Variants in SH3RF1 observed in about 807,000 individuals in gnomAD.
SH3RF1 encodes the protein E3 ubiquitin-protein ligase SH3RF1.
In SH3RF1, 32 loss-of-function variants were observed where a neutral mutation model predicts 74.0. That is an observed-to-expected ratio of 0.43 (90% confidence interval 0.33 to 0.58). The LOEUF (loss-of-function observed/expected upper bound fraction) is 0.58. Ranked by LOEUF, SH3RF1 falls within the 20% of genes least tolerant of loss-of-function variation. The probability of loss-of-function intolerance (pLI) is 0.05; values close to 1 mark genes in which losing one functional copy is unlikely to be tolerated. For missense variants in SH3RF1, 954 were observed against 1,130.9 expected (o/e 0.84, Z 2.24); for synonymous variants, 396 against 439.6 (o/e 0.90, Z 1.24).
rs539112956 is a variant in SH3RF1 at position 169,155,393 on chromosome 4, G to A, written c.765+87C>T. The A allele has an allele frequency of 6.8e-4, 677 of 989,250 alleles. 10 individuals are homozygous for A. In the South Asian group the frequency reaches 9.2e-3, roughly 14 times the overall value. 61.3% of individuals were successfully genotyped at this position (989,250 alleles called of 1,614,324 possible). A position where few individuals can be genotyped will look rare whatever the true frequency, so the allele number is the denominator to read the frequency against. ...GCATTCCTGGTGCTTTTTGTTGTGA[G>A]GACTTCTTAATACTCAAATTGCATA... On this transcript the variant is annotated intron_variant, in intron 4 of 11. Transcript: ENST00000284637.
intron 2 of SH3RF1, among the ~76,000 whole-genome samples, chr4:169,221,388 T>C (rs562366165): frequency 6.6e-6 from 1 of 152,334 alleles, no homozygotes; most frequent in South Asian, 2.1e-4. Context: ...GACATGGGGT[T>C]GGAAGTACTT....
At chr4:169,218,274 AAATATAT>A (rs1371328090) in intron 2 of SH3RF1, among the ~76,000 whole-genome samples, 1,915 of 138,048 alleles carry the variant, frequency 0.014, 36 homozygotes, top group African/African-American at 0.044. Context: ...TATAGAATAT[AAATATAT>A]AATATATAAT....
intron 2 of SH3RF1, among the ~76,000 whole-genome samples, chr4:169,206,658 C>A (rs1200284365): frequency 3.9e-5 from 6 of 152,192 alleles, no homozygotes; most frequent in Non-Finnish European, 7.3e-5. Context: ...CAGAGAATCC[C>A]TGCCCCAAGC....
At chr4:169,192,858 GATGTGATATATATATCATATAT>G (rs1313376726) in intron 2 of SH3RF1, among the ~76,000 whole-genome samples, 50 of 145,648 alleles carry the variant, frequency 3.4e-4, no homozygotes, top group Middle Eastern at 7.4e-3. Context: ...ATATCATATA[GATGTGATATATATATCATATAT>G]ATGTGATATG....
intron 2 of SH3RF1, among the ~76,000 whole-genome samples, chr4:169,238,455 A>G (rs1440349239): frequency 6.6e-6 from 1 of 152,212 alleles, no homozygotes; most frequent in Non-Finnish European, 1.5e-5. Context: ...AATCTACAGG[A>G]TGCTCTGTTC....
chr4:169,146,562 G>A (rs771352149), intron 4 of SH3RF1, among the ~76,000 whole-genome samples: 1 of 152,108 alleles, frequency 6.6e-6, no homozygotes, highest in Non-Finnish European at 1.5e-5. Context: ...AGTGGTAGAT[G>A]TTATTGAGAG....
At chr4:169,117,387 G>A (rs1412882014) in intron 9 of SH3RF1, 136 bp downstream of exon 9, 1 of 1,255,274 alleles carries the variant, frequency 8.0e-7, no homozygotes, top group Non-Finnish European at 1.1e-6. Context: ...GATACAAGGT[G>A]CCACTGAGTA....
At chr4:169,219,947 A>G (rs1730536118) in intron 2 of SH3RF1, 1 of 152,186 alleles carries the variant, frequency 6.6e-6, no homozygotes, top group East Asian at 1.9e-4. Context: ...GTTATTAGCA[A>G]TCAACTTCCA....
At position 169,209,695 on chromosome 4, in the gene SH3RF1, A is replaced by T. The variant is rs909366037; in HGVS notation, c.394-53016T>A. Among the ~76,000 whole-genome samples the T allele has an allele frequency of 5.3e-5, 8 of 152,350 alleles. No homozygotes were observed. In the East Asian group the frequency reaches 1.5e-3, roughly 29 times the overall value. On this transcript the variant is annotated intron_variant, in intron 2 of 11. Coordinates refer to ENST00000284637, the MANE Select transcript of SH3RF1 (RefSeq NM_020870.4). ...ATATACTCAAGTTTGCTTATCTGTA[A>T]AATGAAGATAAGAAGATAGATAACA...
chr4:169,124,065 A>G (rs1733485813), intron 6 of SH3RF1, among the ~76,000 whole-genome samples: 1 of 152,192 alleles, frequency 6.6e-6, no homozygotes. Flanking sequence ...CAGTTCATGG[A>G]TAATAATGCA....
chr4:169,179,901 A>G (rs1242032244), intron 2 of SH3RF1, among the ~76,000 whole-genome samples: 1 of 152,222 alleles, frequency 6.6e-6, no homozygotes, highest in Admixed American at 6.5e-5. Context: ...TCATACCAGA[A>G]GCCTTGGTAA....
intron 2 of SH3RF1, among the ~76,000 whole-genome samples, chr4:169,199,895 T>A (rs146704235): frequency 1.1e-4 from 16 of 152,260 alleles, no homozygotes; most frequent in African/African-American, 3.8e-4. Context: ...TATAATGTAT[T>A]TTAAAACAAT....
At chr4:169,177,190 G>A (rs1338381817) in intron 2 of SH3RF1, among the ~76,000 whole-genome samples, 2 of 152,138 alleles carry the variant, frequency 1.3e-5, no homozygotes, top group Admixed American at 6.5e-5. Flanking sequence ...AATAAGGGAT[G>A]GTATGGCATC....
At chr4:169,235,595 C>T (rs62334170) in intron 2 of SH3RF1, among the ~76,000 whole-genome samples, 26,286 of 152,194 alleles carry the variant, frequency 0.17, 2,758 homozygotes, top group Non-Finnish European at 0.24. Context: ...CACATTCTTC[C>T]GTGTTATGCT....
chr4:169,102,541 A>C lies in SH3RF1; in HGVS notation c.2498+4306T>G, dbSNP rs1057067559. The stretch of plus-strand genomic sequence containing the variant: ...ATATATATTTTTTTTCTTTGGAAGA[A>C]AAACCTGTCATATACTTTCTTTTAT... On this transcript the variant is annotated intron_variant, in intron 11 of 11. Coordinates refer to ENST00000284637, the MANE Select transcript of SH3RF1 (RefSeq NM_020870.4). Among the ~76,000 whole-genome samples, 5 of 152,170 alleles carry C rather than the reference A, an allele frequency of 3.3e-5. No homozygotes were observed. The East Asian group carries it at 9.6e-4, about 29-fold the overall frequency.
At chr4:169,180,541 A>T (rs1734492440) in intron 2 of SH3RF1, among the ~76,000 whole-genome samples, 1 of 152,252 alleles carries the variant, frequency 6.6e-6, no homozygotes, top group Non-Finnish European at 1.5e-5. Context: ...TTTAGTATGC[A>T]GACTAACGCA....
chr4:169,221,693 A>ATTTGGC (rs1730566478), intron 2 of SH3RF1, among the ~76,000 whole-genome samples: 1 of 152,218 alleles, frequency 6.6e-6, no homozygotes, highest in Non-Finnish European at 1.5e-5. Flanking sequence ...TATGTCTGAT[A>ATTTGGC]ATAAAAAAAA....
intron 6 of SH3RF1, among the ~76,000 whole-genome samples, chr4:169,128,827 C>T (rs1202770943): frequency 6.6e-6 from 1 of 152,170 alleles, no homozygotes; most frequent in Non-Finnish European, 1.5e-5. Context: ...TGCTTAGAAG[C>T]CTCCCTATTC....
Position 169,268,993 on chromosome 4 carries a change from C to A in SH3RF1, c.220G>T (p.Asp74Tyr). ...PSNILLVRLL[D>Y]GIKQRPWKPG... Reference sequence around the variant, plus strand: ...TTCCAAGGCCTCTGTTTGATGCCATCCAGAAGTCTGACCAGCAAGATGTTA... The same window carrying A: ...TTCCAAGGCCTCTGTTTGATGCCATACAGAAGTCTGACCAGCAAGATGTTA... The change falls in exon 2 of 12, where the codon GAT (aspartate) becomes TAT (tyrosine). Residue 74 changes from aspartate (D) to tyrosine (Y), a missense_variant. By Grantham distance (160) the Asp-to-Tyr change is radical. This residue lies in a region of SH3RF1 where 64 missense variants were observed against 101.9 expected (regional missense o/e 0.63). Transcript: ENST00000284637. 6.2e-7 allele frequency: 1 copy of A among 1,614,150 alleles called. No individual in the cohort carries two copies. The highest frequency in any genetic ancestry group is 8.5e-7 in the Non-Finnish European group (1 of 1,180,028).
Sources: gnomAD v4.1 joint callset for allele counts (sites outside exome capture counted in the v4.1 genomes callset) on GRCh38, gnomAD v4.1.1 for gene constraint, gnomAD v4.1.1 regional missense constraint, MANE v1.5 for transcripts, NCBI Gene and HGNC (gene_info 2026-07-23, HGNC 2026-07-21) for gene names.